DNHD1: variants seen among roughly 807,000 people sequenced by gnomAD.
The protein encoded by DNHD1 is dynein heavy chain domain-containing protein 1.
A neutral mutation model predicts 458.1 loss-of-function variants in DNHD1; 383 were observed. That is an observed-to-expected ratio of 0.84 (90% CI 0.77 to 0.91). DNHD1 has a LOEUF of 0.91. Among genes scored for constraint, DNHD1 ranks in the 40% least tolerant of loss-of-function variants. The pLI is 0.00. For missense variants in DNHD1, 5,336 were observed against 5,866.1 expected (o/e 0.91, Z 2.95); for synonymous variants, 2,203 against 2,376.9 (o/e 0.93, Z 2.13).
At chr11:6,523,319 T>A (rs1248159319) in intron 10 of DNHD1, among the ~76,000 whole-genome samples, 3 of 152,000 alleles carry the variant, frequency 2.0e-5, no homozygotes, top group Non-Finnish European at 4.4e-5. Context: ...GAGTATGAGG[T>A]ATGAGCAGTA....
Position 6,565,989 on chromosome 11 carries a change from G to C in DNHD1, c.11051G>C (p.Cys3684Ser), listed in dbSNP as rs2134457967. The C allele has an allele frequency of 6.4e-7, 1 of 1,551,590 alleles. No individual in the cohort carries two copies. ...LGSQLQEAAA[C>S]GLPVLLTNVE... ...TCTCAGCTCCAGGAGGCAGCTGCTT[G>C]TGGTGAGAGCTGGTCCCCACCCACC... Residue 3684 changes from cysteine (C) to serine (S), a missense_variant and splice_region_variant, in exon 33 of 43, where the codon TGT becomes TCT. Coordinates refer to ENST00000254579, the MANE Select transcript of DNHD1 (RefSeq NM_144666.3).
Position 6,546,717 on chromosome 11 carries a change from C to T in DNHD1, c.5778C>T (p.His1926=). Residue 1926 remains histidine (H), a synonymous_variant, in exon 21 of 43, where the codon CAC becomes CAT. Transcript: ENST00000254579. ...LFSILNGLHL[H]NLRGLLCALF... is the part of the protein sequence containing the mutation. The stretch of plus-strand genomic sequence containing the variant: ...GCATTCTCAATGGGCTCCACCTGCA[C>T]AACCTCCGAGGGCTGTTGTGTGCGC... The T allele has an allele frequency of 6.4e-7, 1 of 1,551,702 alleles. No individual in the cohort carries two copies. The highest frequency in any genetic ancestry group is 8.7e-7 in the Non-Finnish European group (1 of 1,146,968).
At chr11:6,510,147 G>A (rs570835442) in intron 6 of DNHD1, among the ~76,000 whole-genome samples, 4 of 151,684 alleles carry the variant, frequency 2.6e-5, no homozygotes, top group Non-Finnish European at 5.9e-5. Flanking sequence ...ACAATGGCGC[G>A]ATTTCGGCTC....
chr11:6,560,051 T>C (rs1485192778), intron 28 of DNHD1, among the ~76,000 whole-genome samples: 1 of 152,238 alleles, frequency 6.6e-6, no homozygotes. Flanking sequence ...TATCACACCT[T>C]CTAAAGCCAA....
Position 6,498,075 on chromosome 11 carries a change from A to C in DNHD1, c.-141A>C. ...CATTGACTCTGACCATCCCCTGCCC[A>C]GAGCCTGAGGTCCCTTCTCTGGCCC... is the stretch of plus-strand genomic sequence containing the variant. On this transcript the variant is annotated 5_prime_UTR_variant, in exon 3 of 43. Transcript: ENST00000254579. 3.3e-6 allele frequency: 4 copies of C among 1,201,988 alleles called. No individual in the cohort carries two copies. The highest frequency in any genetic ancestry group is 4.7e-6 in the Non-Finnish European group (4 of 850,074). The allele number at this position is 1,201,988 out of a possible 1,614,324, so 74.5% of individuals were successfully genotyped here. A position where few individuals can be genotyped will look rare whatever the true frequency, so the allele number is the denominator to read the frequency against.
At chr11:6,559,395 T>C in intron 28 of DNHD1, 112 bp downstream of exon 28, 1 of 912,658 alleles carries the variant, frequency 1.1e-6, no homozygotes, top group Non-Finnish European at 1.6e-6. Context: ...AAGCTTCCCC[T>C]TTCCCTAGGA....
rs1038344665 is a variant in DNHD1 at position 6,570,340 on chromosome 11, G to C, written c.13049G>C (p.Ser4350Thr). The change falls in exon 41 of 43, where the codon AGC (serine) becomes ACC (threonine). Residue 4350 changes from serine (S) to threonine (T), a missense_variant. Physicochemically the swap from Ser to Thr is moderately conservative, Grantham distance 58. Transcript: ENST00000254579. ...TQACLSPSSG[S>T]WVQPHTPQSL... ...GCCTGCCTGAGCCCCAGTAGTGGGA[G>C]CTGGGTCCAGCCACACACACCTCAG... The C allele has an allele frequency of 6.2e-7, 1 of 1,612,396 alleles. No homozygotes were observed. The highest frequency in any genetic ancestry group is 1.1e-5 in the South Asian group (1 of 90,762).
rs2134445784 is a variant in DNHD1, at chr11:6,557,618, A to G, written c.8323A>G (p.Arg2775Gly). The stretch of plus-strand genomic sequence containing the variant: ...CAAGATAAGGCAAGAGAAAGGCACA[A>G]GGGCATCCAACTATAGGCTCCAGGT... ...SHKIRQEKGT[R>G]ASNYRLQVRR... Residue 2775 changes from arginine to glycine, a missense_variant, in exon 25 of 43, where the codon AGG (arginine) becomes GGG (glycine). Coordinates refer to ENST00000254579, the MANE Select transcript of DNHD1 (RefSeq NM_144666.3). 6.4e-7 allele frequency: 1 copy of G among 1,551,786 alleles called. No homozygotes were observed. The highest frequency in any genetic ancestry group is 2.4e-5 in the East Asian group (1 of 40,928).
In DNHD1 at chr11:6,498,745, T is replaced by G. The variant is rs1478104865; in HGVS notation, c.530T>G (p.Val177Gly). ...FVQAQWSRQQ[V>G]KEELATWLRP... ...CAGGCCCAGTGGAGCAGGCAGCAAGTAAAGGAGGAGCTGGCCACCTGGCTG... is the reference window on the plus strand; with the variant it reads ...CAGGCCCAGTGGAGCAGGCAGCAAGGAAAGGAGGAGCTGGCCACCTGGCTG... Residue 177 changes from valine to glycine, a missense_variant, in exon 3 of 43, where the codon GTA becomes GGA. By Grantham distance (109) the Val-to-Gly change is moderately radical. Around this residue, in one of 4 missense-constraint regions of DNHD1, gnomAD observed 3,932 missense variants for 4,365.6 expected, o/e 0.90. Coordinates refer to ENST00000254579, the MANE Select transcript of DNHD1 (RefSeq NM_144666.3). 29 of 1,613,964 alleles carry G rather than the reference T, an allele frequency of 1.8e-5. No homozygotes were observed. Among genetic ancestry groups the G allele is most frequent in the Admixed American group, 3.3e-5 (2 of 59,988 alleles).
chr11:6,562,329 T>G (rs762858620), intron 28 of DNHD1, among the ~76,000 whole-genome samples: 5 of 152,034 alleles, frequency 3.3e-5, no homozygotes, highest in Non-Finnish European at 1.5e-5. Context: ...ATACATTCAT[T>G]TGGGGACATG....
rs1589897187 is a variant in DNHD1 at position 6,565,897 on chromosome 11, C to T, written c.10959C>T (p.Ala3653=). Residue 3653 remains alanine, a synonymous_variant, in exon 33 of 43, where the codon GCC becomes GCT. Coordinates refer to ENST00000254579, the MANE Select transcript of DNHD1 (RefSeq NM_144666.3). The part of the protein sequence containing the change: ...EKTESQGSKP[A]YETQLPSLPY... ...CAGAGAGCCAGGGGTCAAAGCCAGCCTATGAGACTCAGCTTCCATCCCTTC... is the reference window on the plus strand; with the variant it reads ...CAGAGAGCCAGGGGTCAAAGCCAGCTTATGAGACTCAGCTTCCATCCCTTC... 2 of 1,551,674 alleles carry T rather than the reference C, an allele frequency of 1.3e-6. No homozygotes were observed. The highest frequency in any genetic ancestry group is 4.9e-5 in the East Asian group (2 of 40,922).
At chr11:6,519,094 G>T (rs529361321) in intron 7 of DNHD1, among the ~76,000 whole-genome samples, 5 of 152,224 alleles carry the variant, frequency 3.3e-5, no homozygotes, top group African/African-American at 1.2e-4. Context: ...AGGCTCCCAG[G>T]CTTTTATTCC....
In DNHD1 at chr11:6,512,080, G is replaced by C. The variant is rs75142746; in HGVS notation, c.1392+651G>C. ...AATTAATGTGAAGGAGGCATACCTT[G>C]CCTGGCTTGAGCCAGGTTTTGGGTT... is the stretch of plus-strand genomic sequence containing the variant. On this transcript the variant is annotated intron_variant, in intron 7 of 42. Transcript: ENST00000254579. 4.7e-3 allele frequency among the ~76,000 whole-genome samples: 719 copies of C among 152,264 alleles called. 7 individuals are homozygous for C. The highest frequency in any genetic ancestry group is 0.017 in the African/African-American group (700 of 41,530).
At chr11:6,508,859 A>T (rs773534881) in intron 4 of DNHD1, 21 bp from the exon 5 acceptor site, 7 of 1,612,860 alleles carry the variant, frequency 4.3e-6, no homozygotes, top group Non-Finnish European at 5.9e-6. Flanking sequence ...GCCTTCACTG[A>T]TCAGAGCTCT....
In DNHD1 at chr11:6,519,655, G is replaced by A. The variant is rs1016020898; in HGVS notation, c.1448G>A (p.Cys483Tyr). 1.2e-6 allele frequency: 2 copies of A among 1,614,188 alleles called. No individual in the cohort carries two copies. Among genetic ancestry groups the A allele is most frequent in the Non-Finnish European group, 1.7e-6 (2 of 1,180,032 alleles). The change falls in exon 8 of 43, where the codon TGT becomes TAT. Residue 483 changes from cysteine (C) to tyrosine (Y), a missense_variant. Transcript: ENST00000254579. Reference sequence around the variant, plus strand: ...TGCCTACAGGAGCGAGTACAAAACTGTGACAGGATCAGGACAGGCCAAGGC... The same window carrying A: ...TGCCTACAGGAGCGAGTACAAAACTATGACAGGATCAGGACAGGCCAAGGC... ...QQCLQERVQN[C>Y]DRIRTGQGSI...
chr11:6,542,382 T>C (rs545216328), intron 18 of DNHD1, among the ~76,000 whole-genome samples: 11 of 152,352 alleles, frequency 7.2e-5, no homozygotes, highest in African/African-American at 2.4e-4. Context: ...CTCTGGATAA[T>C]GTGGGCCTTG....
chr11:6,557,479 G>A lies in DNHD1; in HGVS notation c.8184G>A (p.Glu2728=), dbSNP rs145925138. ...EDFSNSNSET[E]EEEEPYGLQV... is the part of the protein sequence containing the mutation. Reference sequence around the variant, plus strand: ...TCAGCAACAGCAATAGTGAAACAGAGGAGGAAGAGGAACCTTATGGCCTTC... The same window carrying A: ...TCAGCAACAGCAATAGTGAAACAGAAGAGGAAGAGGAACCTTATGGCCTTC... Residue 2728 remains glutamate, a synonymous_variant, in exon 25 of 43, where the codon GAG becomes GAA. Coordinates refer to ENST00000254579, the MANE Select transcript of DNHD1 (RefSeq NM_144666.3). 3.1e-4 allele frequency: 478 copies of A among 1,551,724 alleles called. No individual in the cohort carries two copies. The highest frequency in any genetic ancestry group is 6.7e-4 in the Middle Eastern group (4 of 5,992).
rs1434685298 is a variant in DNHD1 at position 6,557,913 on chromosome 11, C to T, written c.8618C>T (p.Ala2873Val). 2 of 1,551,356 alleles carry T rather than the reference C, an allele frequency of 1.3e-6. No homozygotes were observed. Among genetic ancestry groups the T allele is most frequent in the African/African-American group, 1.4e-5 (1 of 73,140 alleles). ...TGTCATTCCATGGCCCAGCACGTGG[C>T]CCGCCTGGTCCGGGTGCTGGCCAGG... Reference protein sequence around the residue: ...ARCHSMAQHVARLVRVLARPR... With the variant: ...ARCHSMAQHVVRLVRVLARPR... The change falls in exon 25 of 43, where the codon GCC becomes GTC. Residue 2873 changes from alanine (A) to valine (V), a missense_variant. This residue lies in a region of DNHD1 where 3,932 missense variants were observed against 4,365.6 expected (regional missense o/e 0.90). Transcript: ENST00000254579.
In DNHD1 at chr11:6,538,780, C is replaced by G; in HGVS notation, c.3295C>G (p.Gln1099Glu). The G allele has an allele frequency of 6.5e-7, 1 of 1,530,160 alleles. No homozygotes were observed. The highest frequency in any genetic ancestry group is 8.8e-7 in the Non-Finnish European group (1 of 1,134,284). 94.8% of individuals were successfully genotyped at this position (1,530,160 alleles called of 1,614,324 possible). The change falls in exon 16 of 43, where the codon CAG (glutamine) becomes GAG (glutamate). Residue 1099 changes from glutamine to glutamate, a missense_variant. This residue lies in a region of DNHD1 where 3,932 missense variants were observed against 4,365.6 expected (regional missense o/e 0.90). Coordinates refer to ENST00000254579, the MANE Select transcript of DNHD1 (RefSeq NM_144666.3). ...LLTKLGSLHPQSLNCQCLLRA... is the reference protein window; with the variant it reads ...LLTKLGSLHPESLNCQCLLRA... The stretch of plus-strand genomic sequence containing the variant: ...CACTAAGCTGGGCAGCCTCCACCCA[C>G]AGAGCCTCAACTGCCAGTGTCTCCT...
Sources: allele counts gnomAD v4.1 joint callset (sites outside exome capture counted in the v4.1 genomes callset), GRCh38; gene constraint gnomAD v4.1.1; regional missense constraint gnomAD v4.1.1; transcripts MANE v1.5; gene names NCBI Gene and HGNC (gene_info 2026-07-23, HGNC 2026-07-21).